HEPHL1: variants seen among roughly 807,000 people sequenced by gnomAD.
The protein encoded by HEPHL1 is ferroxidase HEPHL1.
In HEPHL1, 123 loss-of-function variants were observed where a neutral mutation model predicts 122.0. That is an observed-to-expected ratio of 1.01 (90% CI 0.87 to 1.17). The LOEUF is 1.17. Ranked by LOEUF, HEPHL1 falls within the 50% of genes most tolerant of loss-of-function variation. The probability of loss-of-function intolerance (pLI) is 0.00; values close to 1 mark genes in which losing one functional copy is unlikely to be tolerated. For synonymous variants in HEPHL1, 527 were observed against 508.9 expected (o/e 1.04, Z -0.48); for missense variants, 1,452 against 1,430.5 (o/e 1.01, Z -0.24).
intron 1 of HEPHL1, among the ~76,000 whole-genome samples, chr11:94,025,737 G>T (rs1054976230): frequency 6.6e-6 from 1 of 152,152 alleles, no homozygotes; most frequent in African/African-American, 2.4e-5. Context: ...CTGAAAGAAG[G>T]ACCAACTGAG....
chr11:94,078,358 C>G (rs978573837), intron 9 of HEPHL1, among the ~76,000 whole-genome samples: 1 of 150,794 alleles, frequency 6.6e-6, no homozygotes, highest in Non-Finnish European at 1.5e-5. Flanking sequence ...CCTTTCTTCC[C>G]TGCTGCTGTG....
Position 94,111,815 on chromosome 11 carries a change from C to G in HEPHL1, c.3401C>G (p.Ser1134Cys), listed in dbSNP as rs1381533476. The G allele has an allele frequency of 1.9e-6, 3 of 1,561,084 alleles. No individual in the cohort carries two copies. In the East Asian group the frequency reaches 6.7e-5, roughly 35 times the overall value. The stretch of plus-strand genomic sequence containing the variant: ...CTTCTAATCACCACGGTGATTCTCT[C>G]CCTCAGACTCTGCTCTGCAATGAAG... Reference protein sequence around the residue: ...LLLLITTVILSLRLCSAMKQT... With the variant: ...LLLLITTVILCLRLCSAMKQT... Residue 1134 changes from serine (S) to cysteine (C), a missense_variant, in exon 20 of 20, where the codon TCC (serine) becomes TGC (cysteine). Coordinates refer to ENST00000315765, the MANE Select transcript of HEPHL1 (RefSeq NM_001098672.2).
intron 4 of HEPHL1, 29 bp downstream of exon 4, chr11:94,064,539 T>C: frequency 1.3e-6 from 2 of 1,510,268 alleles, no homozygotes; most frequent in Non-Finnish European, 1.8e-6. Flanking sequence ...CCCAAACGTA[T>C]ACCAGGCCTT....
At chr11:94,094,120 G>T (rs1445897526) in intron 13 of HEPHL1, among the ~76,000 whole-genome samples, 1 of 150,334 alleles carries the variant, frequency 6.7e-6, no homozygotes, top group African/African-American at 2.5e-5. Context: ...TTTACATTAG[G>T]TATATCTCCT....
intron 2 of HEPHL1, among the ~76,000 whole-genome samples, chr11:94,058,669 T>C (rs1945960122): frequency 8.4e-6 from 1 of 119,058 alleles, no homozygotes; most frequent in Admixed American, 8.3e-5. Flanking sequence ...ATCTGAAATA[T>C]GCTTAAGTAT....
At chr11:94,065,517 C>A (rs1442276595) in intron 4 of HEPHL1, among the ~76,000 whole-genome samples, 1 of 152,108 alleles carries the variant, frequency 6.6e-6, no homozygotes, top group Non-Finnish European at 1.5e-5. Flanking sequence ...TGATTATTTC[C>A]ATTGTATTGC....
At chr11:94,032,916 C>T (rs1000901738) in intron 1 of HEPHL1, among the ~76,000 whole-genome samples, 2 of 152,074 alleles carry the variant, frequency 1.3e-5, no homozygotes, top group African/African-American at 4.8e-5. Flanking sequence ...GGAAGAATGC[C>T]TCACGTGAGC....
intron 4 of HEPHL1, among the ~76,000 whole-genome samples, chr11:94,066,163 C>T (rs910102204): frequency 6.6e-6 from 1 of 152,204 alleles, no homozygotes; most frequent in Non-Finnish European, 1.5e-5. Flanking sequence ...CACTGCACCC[C>T]AGCCTGGGTG....
At chr11:94,062,236 GTTACC>G (rs1487004778) in intron 2 of HEPHL1, among the ~76,000 whole-genome samples, 4 of 152,128 alleles carry the variant, frequency 2.6e-5, no homozygotes, top group African/African-American at 4.8e-5. Flanking sequence ...TGCTAGGAGT[GTTACC>G]TTAACTTAAT....
chr11:94,045,790 G>C lies in HEPHL1; in HGVS notation c.288G>C (p.Trp96Cys), dbSNP rs781147374. The C allele has an allele frequency of 6.2e-7, 1 of 1,613,916 alleles. No homozygotes were observed. Among genetic ancestry groups the C allele is most frequent in the Non-Finnish European group, 8.5e-7 (1 of 1,179,876 alleles). ...TYSIEIPKPPWLGFLGPILRA... is the reference protein window; with the variant it reads ...TYSIEIPKPPCLGFLGPILRA... ...CCATAGAGATCCCCAAACCTCCCTG[G>C]CTTGGATTCCTGGGCCCCATCTTGA... The change falls in exon 2 of 20, where the codon TGG (tryptophan) becomes TGC (cysteine). Residue 96 changes from tryptophan to cysteine, a missense_variant. Trp to Cys is a radical substitution (Grantham distance 215). Transcript: ENST00000315765.
rs75202177 is a variant in HEPHL1, at chr11:94,024,820, C to T, written c.170+3282C>T. 3.7e-4 allele frequency among the ~76,000 whole-genome samples: 56 copies of T among 152,202 alleles called. No homozygotes were observed. The East Asian group carries it at 8.9e-3, about 24-fold the overall frequency. ...CCTGATGATAGATAAGAAGTTTTGGCGTATATTCAATAATCCCCCTTCCCT... is the reference window on the plus strand; with the variant it reads ...CCTGATGATAGATAAGAAGTTTTGGTGTATATTCAATAATCCCCCTTCCCT... On this transcript the variant is annotated intron_variant, in intron 1 of 19. Transcript: ENST00000315765.
At chr11:94,052,542 A>T (rs578206339) in intron 2 of HEPHL1, among the ~76,000 whole-genome samples, 22 of 152,220 alleles carry the variant, frequency 1.4e-4, no homozygotes, top group African/African-American at 5.1e-4. Flanking sequence ...CAAATGTAAG[A>T]TTATATCATC....
intron 1 of HEPHL1, among the ~76,000 whole-genome samples, chr11:94,032,930 C>T (rs1487123749): frequency 6.6e-6 from 1 of 152,022 alleles, no homozygotes; most frequent in Admixed American, 6.6e-5. Context: ...CGTGAGCATG[C>T]GTACAGCTCC....
chr11:94,039,960 T>C (rs1450253610), intron 1 of HEPHL1, among the ~76,000 whole-genome samples: 8 of 91,638 alleles, frequency 8.7e-5, no homozygotes, highest in East Asian at 5.3e-4. Context: ...ATCAACAAAA[T>C]TGATAGACCA....
At chr11:94,076,382 A>ACATC (rs1383133490) in intron 9 of HEPHL1, among the ~76,000 whole-genome samples, 39 of 152,198 alleles carry the variant, frequency 2.6e-4, no homozygotes, top group African/African-American at 8.4e-4. Flanking sequence ...AGGACCTTGA[A>ACATC]CATCCAACTT....
At chr11:94,076,150 T>G (rs923110741) in intron 9 of HEPHL1, among the ~76,000 whole-genome samples, 1 of 152,180 alleles carries the variant, frequency 6.6e-6, no homozygotes. Context: ...CAAAATATCT[T>G]GATCCTATTT....
At position 94,028,074 on chromosome 11, in the gene HEPHL1, C is replaced by G. The variant is rs57687307; in HGVS notation, c.170+6536C>G. On this transcript the variant is annotated intron_variant, in intron 1 of 19. Transcript: ENST00000315765. ...CTCACATGTTGGATCTGACCACACT[C>G]TCTGCTAACATTATTTTGCAGTTTA... 7.4e-3 allele frequency among the ~76,000 whole-genome samples: 1,126 copies of G among 152,302 alleles called. 18 individuals are homozygous for G. The highest frequency in any genetic ancestry group is 0.026 in the African/African-American group (1,072 of 41,556).
Position 94,057,038 on chromosome 11 carries a change from G to A in HEPHL1, c.416-6470G>A, listed in dbSNP as rs555955445. On this transcript the variant is annotated intron_variant, in intron 2 of 19. Transcript: ENST00000315765. The stretch of plus-strand genomic sequence containing the variant: ...CGTTTTGCTGGATATAGCATTCTTG[G>A]CTAATATTTCCTCCCTGGCACTTTA... Among the ~76,000 whole-genome samples, 6 of 152,098 alleles carry A rather than the reference G, an allele frequency of 3.9e-5. No homozygotes were observed. In the East Asian group the frequency reaches 9.6e-4, roughly 24 times the overall value.
In HEPHL1 at chr11:94,111,695, G is replaced by T; in HGVS notation, c.3281G>T (p.Arg1094Leu). Residue 1094 changes from arginine (R) to leucine (L), a missense_variant, in exon 20 of 20, where the codon CGA becomes CTA. By Grantham distance (102) the Arg-to-Leu change is moderately radical. Transcript: ENST00000315765. ...GACAAGTTTATCTTTTTCACAGAAC[G>T]ACCTGGCAAAGAGCAGCTCTATTTC... is the stretch of plus-strand genomic sequence containing the variant. ...SHPATVPSNE[R>L]PGKEQLYFFG... 2 of 1,612,298 alleles carry T rather than the reference G, an allele frequency of 1.2e-6. No homozygotes were observed. The highest frequency in any genetic ancestry group is 2.2e-5 in the South Asian group (2 of 90,840).
Sources: gnomAD v4.1 joint callset for allele counts (sites outside exome capture counted in the v4.1 genomes callset) on GRCh38, gnomAD v4.1.1 for gene constraint, MANE v1.5 for transcripts, NCBI Gene and HGNC (gene_info 2026-07-23, HGNC 2026-07-21) for gene names.